Variants in CACNA2D1 observed in about 807,000 individuals in gnomAD.
CACNA2D1 encodes the protein voltage-dependent calcium channel subunit alpha-2/delta-1.
A neutral mutation model predicts 171.5 loss-of-function variants in CACNA2D1; 53 were observed. That is an observed-to-expected ratio of 0.31 (90% CI 0.25 to 0.39). The LOEUF is 0.39. Ranked by LOEUF, CACNA2D1 falls within the 10% of genes least tolerant of loss-of-function variation. The pLI is 1.00. For synonymous variants in CACNA2D1, 442 were observed against 443.1 expected (o/e 1.00, Z 0.03); for missense variants, 903 against 1,299.8 (o/e 0.69, Z 4.69).
intron 3 of CACNA2D1, among the ~76,000 whole-genome samples, chr7:82,333,178 T>A (rs1739635817): frequency 6.6e-6 from 1 of 152,244 alleles, no homozygotes; most frequent in Non-Finnish European, 1.5e-5. Flanking sequence ...TCAATTCTTC[T>A]CAATTTGGTC....
intron 3 of CACNA2D1, among the ~76,000 whole-genome samples, chr7:82,183,697 T>C (rs1797375774): frequency 6.6e-6 from 1 of 152,100 alleles, no homozygotes; most frequent in Admixed American, 6.5e-5. Context: ...TATTCAACAT[T>C]AGCTATTATG....
intron 19 of CACNA2D1, 37 bp from the exon 20 acceptor site, chr7:81,994,976 C>G (rs1475663624): frequency 1.0e-6 from 1 of 1,000,170 alleles, no homozygotes; most frequent in African/African-American, 1.6e-5. Context: ...ATTCCAGAAA[C>G]AAAGCTGACC....
At chr7:82,347,014 G>A (rs900261454) in intron 2 of CACNA2D1, among the ~76,000 whole-genome samples, 6 of 152,092 alleles carry the variant, frequency 3.9e-5, no homozygotes, top group African/African-American at 1.4e-4. Context: ...ACAACTGATG[G>A]ACATATGTAT....
chr7:82,376,609 C>T (rs532125253), intron 1 of CACNA2D1, among the ~76,000 whole-genome samples: 1 of 152,286 alleles, frequency 6.6e-6, no homozygotes, highest in South Asian at 2.1e-4. Flanking sequence ...ATATACATCT[C>T]TGTATATAAC....
intron 10 of CACNA2D1, among the ~76,000 whole-genome samples, chr7:82,055,603 G>A (rs549660907): frequency 1.5e-4 from 23 of 151,676 alleles, no homozygotes; most frequent in Non-Finnish European, 2.6e-4. Flanking sequence ...ATGAGTTCAT[G>A]TCCTTTGTAG....
intron 9 of CACNA2D1, among the ~76,000 whole-genome samples, chr7:82,061,635 G>C (rs1806931403): frequency 6.6e-6 from 1 of 152,170 alleles, no homozygotes; most frequent in African/African-American, 2.4e-5. Context: ...TGGCATTGCA[G>C]TAAAGAAAGA....
chr7:82,394,615 T>C (rs1013810187), intron 1 of CACNA2D1, among the ~76,000 whole-genome samples: 9 of 152,064 alleles, frequency 5.9e-5, no homozygotes. Flanking sequence ...AATAAGCAGG[T>C]GGTTTATTTC....
intron 3 of CACNA2D1, among the ~76,000 whole-genome samples, chr7:82,311,181 C>T (rs964458651): frequency 2.0e-5 from 3 of 151,904 alleles, no homozygotes; most frequent in African/African-American, 4.8e-5. Flanking sequence ...CATTTTAAGT[C>T]TTGTTGTCAT....
At chr7:82,386,051 T>C (rs551154480) in intron 1 of CACNA2D1, among the ~76,000 whole-genome samples, 2 of 152,256 alleles carry the variant, frequency 1.3e-5, no homozygotes, top group East Asian at 1.9e-4. Flanking sequence ...TGAACTAGAA[T>C]TTTTTTCAGG....
Position 82,007,840 on chromosome 7 carries a change from T to C in CACNA2D1, c.1363-84A>G, listed in dbSNP as rs73705437. ...GTGCACTAACCTTTGATATCTGAGA[T>C]TGCATTTTATAGTTACTTTATAAAG... On this transcript the variant is annotated intron_variant, in intron 15 of 38. Coordinates refer to ENST00000356860, the MANE Select transcript of CACNA2D1 (RefSeq NM_000722.4). 5,689 of 776,650 alleles carry C rather than the reference T, an allele frequency of 7.3e-3. 220 individuals carry two copies. The African/African-American group carries it at 0.085, about 12-fold the overall frequency. 48.1% of individuals were successfully genotyped at this position (776,650 alleles called of 1,614,324 possible).
At chr7:82,182,139 G>T (rs554474933) in intron 3 of CACNA2D1, among the ~76,000 whole-genome samples, 2 of 152,012 alleles carry the variant, frequency 1.3e-5, no homozygotes, top group South Asian at 4.1e-4. Flanking sequence ...GTCCTTGTGA[G>T]CCCATTACTC....
chr7:82,127,999 C>T (rs1474885000), intron 5 of CACNA2D1, among the ~76,000 whole-genome samples: 1 of 152,168 alleles, frequency 6.6e-6, no homozygotes, highest in East Asian at 1.9e-4. Context: ...TATCAGCTCA[C>T]TGCAGCCCCG....
chr7:82,257,406 G>C (rs557863780), intron 3 of CACNA2D1, among the ~76,000 whole-genome samples: 1 of 152,158 alleles, frequency 6.6e-6, no homozygotes, highest in South Asian at 2.1e-4. Context: ...CTATTTTCAG[G>C]GAAAAATGCA....
intron 6 of CACNA2D1, among the ~76,000 whole-genome samples, chr7:82,085,491 G>A (rs545975770): frequency 6.0e-5 from 9 of 150,718 alleles, no homozygotes; most frequent in Non-Finnish European, 8.8e-5. Context: ...GACTCTCTGC[G>A]GCAGAGCAAC....
intron 5 of CACNA2D1, among the ~76,000 whole-genome samples, chr7:82,120,502 T>A (rs1321300034): frequency 6.6e-6 from 1 of 152,192 alleles, no homozygotes; most frequent in East Asian, 1.9e-4. Context: ...GGATGTGTTA[T>A]ATTTAAGGTG....
intron 3 of CACNA2D1, among the ~76,000 whole-genome samples, chr7:82,316,722 G>A (rs1476748134): frequency 6.6e-6 from 1 of 152,170 alleles, no homozygotes; most frequent in Non-Finnish European, 1.5e-5. Context: ...CCACCTGACT[G>A]GGGATGCCTC....
At chr7:82,157,483 T>C (rs1223312587) in intron 4 of CACNA2D1, among the ~76,000 whole-genome samples, 3 of 152,158 alleles carry the variant, frequency 2.0e-5, no homozygotes, top group East Asian at 1.9e-4. Flanking sequence ...ACTTCGAGGA[T>C]TAAAATCCAG....
intron 1 of CACNA2D1, among the ~76,000 whole-genome samples, chr7:82,428,916 G>A (rs1829432721): frequency 6.6e-6 from 1 of 152,116 alleles, no homozygotes; most frequent in Non-Finnish European, 1.5e-5. Context: ...ATATGGTTCT[G>A]GCTTTACTTA....
intron 3 of CACNA2D1, among the ~76,000 whole-genome samples, chr7:82,271,412 T>C (rs1808620356): frequency 6.6e-6 from 1 of 152,118 alleles, no homozygotes; most frequent in African/African-American, 2.4e-5. Flanking sequence ...CATCTAAATA[T>C]ATAGTTATTT....
Sources: gnomAD v4.1 joint callset for allele counts (sites outside exome capture counted in the v4.1 genomes callset) on GRCh38, gnomAD v4.1.1 for gene constraint, MANE v1.5 for transcripts, NCBI Gene and HGNC (gene_info 2026-07-23, HGNC 2026-07-21) for gene names.